The following SCHIP1 variants were observed in gnomAD, a reference collection of about 807,000 sequenced individuals.
SCHIP1 encodes schwannomin-interacting protein 1.
Under a neutral mutation model 29.7 loss-of-function variants are expected in SCHIP1, and 8 were observed. The ratio of observed to expected loss-of-function variants is 0.27; its 90% CI spans 0.16 to 0.49. The LOEUF (loss-of-function observed/expected upper bound fraction) is 0.49, where lower values mean the gene tolerates loss of function less well. Among genes scored for constraint, SCHIP1 ranks in the 20% least tolerant of loss-of-function variants. The probability of loss-of-function intolerance (pLI) is 0.99; values close to 1 mark genes in which losing one functional copy is unlikely to be tolerated. For missense variants in SCHIP1, 193 were observed against 294.6 expected (o/e 0.66, Z 2.52); for synonymous variants, 76 against 94.9 (o/e 0.80, Z 1.16).
chr3:159,554,276 A>C, the SCHIP1 span, among the ~76,000 whole-genome samples: 1 of 152,128 alleles, frequency 6.6e-6, no homozygotes, highest in South Asian at 2.1e-4. Flanking sequence ...AAAGTTAGCC[A>C]TGAAATTTCA....
chr3:159,688,995 C>T, the SCHIP1 span, among the ~76,000 whole-genome samples: 1 of 152,158 alleles, frequency 6.6e-6, no homozygotes, highest in Non-Finnish European at 1.5e-5. Flanking sequence ...GTTTTGGTTA[C>T]TGTAGGCTTG....
chr3:159,409,318 C>A, the SCHIP1 span, among the ~76,000 whole-genome samples: 1 of 151,684 alleles, frequency 6.6e-6, no homozygotes, highest in South Asian at 2.1e-4. Context: ...AAAAAGGCAC[C>A]CAAATTAGAA....
the SCHIP1 span, among the ~76,000 whole-genome samples, chr3:159,602,177 A>G: frequency 2.4e-4 from 36 of 152,140 alleles, 1 homozygote; most frequent in East Asian, 6.8e-3. Flanking sequence ...TCCCCTCAAT[A>G]CCACGTTCCT....
the SCHIP1 span, among the ~76,000 whole-genome samples, chr3:159,612,210 AT>A: frequency 2.6e-5 from 4 of 152,160 alleles, no homozygotes; most frequent in African/African-American, 9.7e-5. Context: ...AGCTATAATC[AT>A]TTTTTAAGAT....
At chr3:159,693,243 A>T in the SCHIP1 span, among the ~76,000 whole-genome samples, 1,137 of 152,316 alleles carry the variant, frequency 7.5e-3, 12 homozygotes, top group African/African-American at 0.026. Flanking sequence ...ATATAATATT[A>T]TTAAGAATAG....
chr3:159,797,558 G>T, the SCHIP1 span, among the ~76,000 whole-genome samples: 2 of 150,886 alleles, frequency 1.3e-5, no homozygotes, highest in Non-Finnish European at 2.9e-5. Context: ...AAACTTACAA[G>T]CAAGCAAATT....
the SCHIP1 span, among the ~76,000 whole-genome samples, chr3:159,339,294 T>A: frequency 6.6e-6 from 1 of 151,426 alleles, no homozygotes; most frequent in Non-Finnish European, 1.5e-5. Context: ...TTTACTCAAA[T>A]GGCAGCACTG....
the SCHIP1 span, among the ~76,000 whole-genome samples, chr3:159,820,609 T>C: frequency 4.0e-4 from 61 of 152,220 alleles, 1 homozygote; most frequent in African/African-American, 1.4e-3. Flanking sequence ...TGAAGAAAAG[T>C]AAGAAAAGAA....
the SCHIP1 span, chr3:159,274,198 G>A: frequency 1.0e-6 from 1 of 985,030 alleles, no homozygotes; most frequent in Non-Finnish European, 1.2e-6. Context: ...ATATACACAT[G>A]TAAATAGTTC....
the SCHIP1 span, among the ~76,000 whole-genome samples, chr3:159,823,811 G>A: frequency 6.6e-6 from 1 of 152,140 alleles, no homozygotes; most frequent in African/African-American, 2.4e-5. Context: ...TTGGTTTAAT[G>A]TTCTGCTGTT....
At chr3:159,849,201 T>C (rs772882292) in intron 1 of SCHIP1, among the ~76,000 whole-genome samples, 2 of 152,164 alleles carry the variant, frequency 1.3e-5, no homozygotes, top group Non-Finnish European at 2.9e-5. Flanking sequence ...TATCAATGTA[T>C]GTGTATATAC....
At chr3:159,823,827 CCTA>C in the SCHIP1 span, among the ~76,000 whole-genome samples, 1 of 152,160 alleles carries the variant, frequency 6.6e-6, no homozygotes, top group African/African-American at 2.4e-5. Flanking sequence ...CTGTTACCAC[CCTA>C]AAATTCTTAA....
chr3:159,850,292 A>G (rs746743049), intron 1 of SCHIP1, among the ~76,000 whole-genome samples: 6 of 152,102 alleles, frequency 3.9e-5, no homozygotes, highest in Admixed American at 6.5e-5. Context: ...GGTGGCTTAC[A>G]CCTGTAATCC....
chr3:159,766,212 T>C, the SCHIP1 span, among the ~76,000 whole-genome samples: 1 of 152,146 alleles, frequency 6.6e-6, no homozygotes, highest in Non-Finnish European at 1.5e-5. Flanking sequence ...CTTGCGGGTG[T>C]AATTTTTGCG....
the SCHIP1 span, chr3:159,765,138 C>G: frequency 1.3e-6 from 2 of 1,556,534 alleles, no homozygotes; most frequent in Admixed American, 3.8e-5. Context: ...ACTCCACCTC[C>G]GTAAGTTGGC....
the SCHIP1 span, among the ~76,000 whole-genome samples, chr3:159,508,136 A>T: frequency 6.6e-6 from 1 of 152,178 alleles, no homozygotes; most frequent in Non-Finnish European, 1.5e-5. Context: ...TATTGCCTCA[A>T]TTTCGGAGCC....
chr3:159,424,833 A>G, the SCHIP1 span, among the ~76,000 whole-genome samples: 1 of 152,248 alleles, frequency 6.6e-6, no homozygotes, highest in Admixed American at 6.5e-5. Context: ...TCAGACTAAC[A>G]GCGGATCTCT....
chr3:159,636,058 A>T, the SCHIP1 span, among the ~76,000 whole-genome samples: 2 of 151,930 alleles, frequency 1.3e-5, no homozygotes, highest in African/African-American at 4.8e-5. Flanking sequence ...ATTTTATTTT[A>T]TTATTTTGGA....
chr3:159,335,651 T>C, the SCHIP1 span, among the ~76,000 whole-genome samples: 1 of 152,202 alleles, frequency 6.6e-6, no homozygotes, highest in Non-Finnish European at 1.5e-5. Flanking sequence ...GCTTCATCCA[T>C]GTCCCTATAA....
Sources: gnomAD v4.1 joint callset for allele counts (sites outside exome capture counted in the v4.1 genomes callset) on GRCh38, gnomAD v4.1.1 for gene constraint, MANE v1.5 for transcripts, NCBI Gene and HGNC (gene_info 2026-07-23, HGNC 2026-07-21) for gene names.